Variants in CLIP4 observed in about 807,000 individuals in gnomAD.
CLIP4 encodes CAP-Gly domain containing linker protein family member 4, also known as CAP-Gly domain-containing linker protein 4.
Under a neutral mutation model 73.1 loss-of-function variants are expected in CLIP4, and 47 were observed. That is an observed-to-expected ratio of 0.64 (90% CI 0.51 to 0.82). CLIP4 has a LOEUF of 0.82. Among genes scored for constraint, CLIP4 ranks in the 40% least tolerant of loss-of-function variants. The probability of loss-of-function intolerance (pLI) is 0.00; values close to 1 mark genes in which losing one functional copy is unlikely to be tolerated. For missense variants in CLIP4, 874 were observed against 852.9 expected (o/e 1.02, Z -0.31); for synonymous variants, 306 against 295.4 (o/e 1.04, Z -0.37).
intron 9 of CLIP4, among the ~76,000 whole-genome samples, chr2:29,154,897 A>T (rs1375344279): frequency 6.6e-6 from 1 of 152,220 alleles, no homozygotes; most frequent in African/African-American, 2.4e-5. Context: ...CCCAGAGGCT[A>T]CATGGGTTGA....
intron 1 of CLIP4, among the ~76,000 whole-genome samples, chr2:29,100,457 C>T (rs1668010006): frequency 6.6e-6 from 1 of 151,900 alleles, no homozygotes; most frequent in South Asian, 2.1e-4. Flanking sequence ...TAATATCTTC[C>T]ATTAGTGTGA....
At chr2:29,123,556 C>A (rs1664403964) in intron 2 of CLIP4, among the ~76,000 whole-genome samples, 1 of 152,106 alleles carries the variant, frequency 6.6e-6, no homozygotes, top group Admixed American at 6.5e-5. Flanking sequence ...AAGAGGCTGG[C>A]TGTGAGAAGA....
At chr2:29,171,460 G>A (rs1320831986) in intron 14 of CLIP4, among the ~76,000 whole-genome samples, 1 of 150,930 alleles carries the variant, frequency 6.6e-6, no homozygotes, top group African/African-American at 2.4e-5. Context: ...CCATTGACTT[G>A]TAACCTTTCT....
chr2:29,149,387 C>T (rs547311035), intron 8 of CLIP4, among the ~76,000 whole-genome samples: 51 of 149,196 alleles, frequency 3.4e-4, no homozygotes, highest in African/African-American at 8.4e-4. Flanking sequence ...TTCTTGGAAG[C>T]GTTTAGTATT....
intron 14 of CLIP4, among the ~76,000 whole-genome samples, chr2:29,170,574 T>C (rs1305489938): frequency 6.6e-6 from 1 of 152,258 alleles, no homozygotes; most frequent in African/African-American, 2.4e-5. Flanking sequence ...CTTAACAGTG[T>C]ATTTCACAGA....
chr2:29,149,132 G>A (rs779735937), intron 8 of CLIP4, among the ~76,000 whole-genome samples: 15 of 152,268 alleles, frequency 9.9e-5, no homozygotes, highest in Middle Eastern at 3.4e-3. Context: ...GTAGTAAACG[G>A]GCAGCCATAG....
chr2:29,130,968 C>G (rs1664931135), intron 2 of CLIP4: 1 of 1,211,270 alleles, frequency 8.3e-7, no homozygotes, highest in Admixed American at 2.6e-5. Flanking sequence ...CCCAGATTTG[C>G]CACTTACTAG....
At chr2:29,138,089 G>C (rs1316859007) in intron 6 of CLIP4, among the ~76,000 whole-genome samples, 1 of 152,176 alleles carries the variant, frequency 6.6e-6, no homozygotes, top group East Asian at 1.9e-4. Flanking sequence ...CTAAGCCAAT[G>C]CCTAGAAGAG....
intron 15 of CLIP4, chr2:29,175,601 G>A (rs1420035026): frequency 6.6e-6 from 1 of 152,052 alleles, no homozygotes; most frequent in Non-Finnish European, 1.5e-5. Flanking sequence ...TATACAGCAG[G>A]TATGGTTATA....
chr2:29,156,358 A>G lies in CLIP4; in HGVS notation c.1170A>G (p.Leu390=), dbSNP rs1184305725. 1.3e-6 allele frequency: 2 copies of G among 1,568,630 alleles called. No individual in the cohort carries two copies. The highest frequency in any genetic ancestry group is 1.7e-6 in the Non-Finnish European group (2 of 1,166,778). ...AHVTSKVNTG[L]MTSKKDSASE... is the part of the protein sequence containing the mutation. The stretch of plus-strand genomic sequence containing the variant: ...TGTTTTATTTTTGTGTCCAAGGATT[A>G]ATGACATCAAAAAAAGATAGTGCTT... Residue 390 remains leucine, a synonymous_variant, in exon 10 of 16, where the codon TTA becomes TTG. Coordinates refer to ENST00000320081, the MANE Select transcript of CLIP4 (RefSeq NM_024692.6).
Position 29,181,952 on chromosome 2 carries a change from G to T in CLIP4, c.*59G>T. The T allele has an allele frequency of 1.5e-6, 2 of 1,374,374 alleles. No individual in the cohort carries two copies. Among genetic ancestry groups the T allele is most frequent in the South Asian group, 1.5e-5 (1 of 67,606 alleles). The allele number at this position is 1,374,374 out of a possible 1,614,324, so 85.1% of individuals were successfully genotyped here. ...TATTTGGTGTAAATAAAGAGTCCAT[G>T]GTAAATGGTTTACTTTATTTAGCCA... is the stretch of plus-strand genomic sequence containing the variant. On this transcript the variant is annotated 3_prime_UTR_variant, in exon 16 of 16. Coordinates refer to ENST00000320081, the MANE Select transcript of CLIP4 (RefSeq NM_024692.6).
Position 29,132,217 on chromosome 2 carries a change from T to C in CLIP4, c.339T>C (p.Tyr113=). 1.2e-6 allele frequency: 2 copies of C among 1,613,624 alleles called. No individual in the cohort carries two copies. The highest frequency in any genetic ancestry group is 1.3e-5 in the African/African-American group (1 of 75,016). The change falls in exon 4 of 16, where the codon TAT becomes TAC. Residue 113 remains tyrosine (Y), a synonymous_variant. Coordinates refer to ENST00000320081, the MANE Select transcript of CLIP4 (RefSeq NM_024692.6). ...TGACAGATATGACTCTTTTACATTA[T>C]ACCTGCAAATCTGGAGCTCATGGTA... ...DGLTDMTLLH[Y]TCKSGAHGIG... is the part of the protein sequence containing the mutation.
chr2:29,166,015 T>G (rs75242952), intron 13 of CLIP4, among the ~76,000 whole-genome samples: 1,557 of 152,070 alleles, frequency 0.01, 23 homozygotes, highest in African/African-American at 0.035. Flanking sequence ...TGAACTGCTA[T>G]CTCAATCCAG....
chr2:29,176,107 AGT>A (rs2148112138), intron 15 of CLIP4, among the ~76,000 whole-genome samples: 1 of 152,338 alleles, frequency 6.6e-6, no homozygotes, highest in African/African-American at 2.4e-5. Context: ...TTACTCATAA[AGT>A]GTGCAACCAA....
At chr2:29,124,755 G>A (rs1259981208) in intron 2 of CLIP4, among the ~76,000 whole-genome samples, 1 of 152,088 alleles carries the variant, frequency 6.6e-6, no homozygotes, top group Non-Finnish European at 1.5e-5. Flanking sequence ...TTCAGATGAA[G>A]TTTTCATCTC....
At chr2:29,107,363 T>TATTTG (rs1668244850) in intron 1 of CLIP4, among the ~76,000 whole-genome samples, 1 of 79,364 alleles carries the variant, frequency 1.3e-5, no homozygotes, top group Admixed American at 1.1e-4. Context: ...TGATAGTTTT[T>TATTTG]TTTTTTTTTT....
chr2:29,135,419 A>G (rs1665281593), intron 5 of CLIP4, 129 bp from the exon 6 acceptor site: 5 of 500,800 alleles, frequency 1.0e-5, no homozygotes, highest in Non-Finnish European at 1.7e-5. Context: ...TTGTGAAATC[A>G]TGCCTCTAGT....
At chr2:29,169,097 G>C (rs2148082045) in intron 14 of CLIP4, among the ~76,000 whole-genome samples, 1 of 152,032 alleles carries the variant, frequency 6.6e-6, no homozygotes, top group South Asian at 2.1e-4. Context: ...AAATTCCCTA[G>C]TGTTTTAATT....
chr2:29,118,622 G>A (rs1664038768), intron 1 of CLIP4, among the ~76,000 whole-genome samples: 3 of 151,474 alleles, frequency 2.0e-5, no homozygotes, highest in Admixed American at 2.0e-4. Flanking sequence ...AGGTTCAAGC[G>A]ATTCTTCTGC....
Sources: allele counts gnomAD v4.1 joint callset (sites outside exome capture counted in the v4.1 genomes callset), GRCh38; gene constraint gnomAD v4.1.1; transcripts MANE v1.5; gene names NCBI Gene and HGNC (gene_info 2026-07-23, HGNC 2026-07-21).